Variants in CNTN4 observed in about 807,000 individuals in gnomAD.
CNTN4 encodes contactin 4.
Under a neutral mutation model 122.5 loss-of-function variants are expected in CNTN4, and 77 were observed. The observed-to-expected ratio is 0.63, with a 90% CI of 0.52 to 0.76. The LOEUF (loss-of-function observed/expected upper bound fraction) is 0.76, where lower values mean the gene tolerates loss of function less well. Ranked by LOEUF, CNTN4 falls within the 30% of genes least tolerant of loss-of-function variation. The pLI is 0.00. For synonymous variants in CNTN4, 512 were observed against 447.0 expected, an observed-to-expected ratio of 1.15 and a Z score of -1.83; for missense variants, 1,256 against 1,259.1, an observed-to-expected ratio of 1.00 and a Z score of 0.04.
At chr3:2,815,407 A>G (rs2092703616) in intron 6 of CNTN4, among the ~76,000 whole-genome samples, 1 of 152,202 alleles carries the variant, frequency 6.6e-6, no homozygotes, top group Admixed American at 6.5e-5. Context: ...AAAATCAAAC[A>G]GTCCCATCAA....
intron 4 of CNTN4, among the ~76,000 whole-genome samples, chr3:2,595,949 T>C (rs1040766669): frequency 2.6e-5 from 4 of 152,178 alleles, no homozygotes; most frequent in Non-Finnish European, 5.9e-5. Flanking sequence ...GTGGGTGGCA[T>C]TGCACTAGTA....
chr3:2,560,810 A>G (rs1343362244), intron 3 of CNTN4, among the ~76,000 whole-genome samples: 1 of 152,216 alleles, frequency 6.6e-6, no homozygotes, highest in Non-Finnish European at 1.5e-5. Context: ...TCATTGCTGT[A>G]TCGTACTGCA....
At chr3:2,928,525 A>G (rs2094493479) in intron 13 of CNTN4, among the ~76,000 whole-genome samples, 2 of 152,232 alleles carry the variant, frequency 1.3e-5, no homozygotes, top group African/African-American at 4.8e-5. Flanking sequence ...CTTTGACTAC[A>G]CAGCTTTGAG....
chr3:2,376,288 A>C (rs1020220805), intron 3 of CNTN4, among the ~76,000 whole-genome samples: 1 of 152,204 alleles, frequency 6.6e-6, no homozygotes, highest in South Asian at 2.1e-4. Flanking sequence ...AATAATTATT[A>C]TTCCCTGATC....
At chr3:2,266,204 C>G (rs1028791868) in intron 2 of CNTN4, among the ~76,000 whole-genome samples, 2 of 152,026 alleles carry the variant, frequency 1.3e-5, no homozygotes, top group African/African-American at 4.8e-5. Flanking sequence ...GTGAGTTTGT[C>G]ATATATGACC....
At chr3:2,914,310 G>C (rs1186120051) in intron 12 of CNTN4, among the ~76,000 whole-genome samples, 1 of 151,926 alleles carries the variant, frequency 6.6e-6, no homozygotes, top group Admixed American at 6.5e-5. Flanking sequence ...TATTAGAGCA[G>C]AGATAAAGGA....
At chr3:2,133,262 A>G (rs1172992482) in intron 2 of CNTN4, among the ~76,000 whole-genome samples, 3 of 152,136 alleles carry the variant, frequency 2.0e-5, no homozygotes, top group Admixed American at 6.6e-5. Flanking sequence ...TCTTTATGTT[A>G]TAGTTGTTTA....
intron 3 of CNTN4, among the ~76,000 whole-genome samples, chr3:2,477,412 C>T (rs571620952): frequency 8.5e-5 from 13 of 152,250 alleles, no homozygotes; most frequent in Non-Finnish European, 1.8e-4. Flanking sequence ...GACATAAGCT[C>T]TGTGGTAAAT....
intron 4 of CNTN4, among the ~76,000 whole-genome samples, chr3:2,694,471 G>A (rs750110920): frequency 7.9e-5 from 12 of 152,232 alleles, no homozygotes; most frequent in Admixed American, 3.3e-4. Context: ...GGCCAGGTGC[G>A]GTGGCTCGCA....
chr3:2,516,251 C>G (rs1056900818), intron 3 of CNTN4, among the ~76,000 whole-genome samples: 5 of 151,938 alleles, frequency 3.3e-5, no homozygotes, highest in Non-Finnish European at 7.4e-5. Context: ...GATATCCTGG[C>G]TTTTTAGGCA....
At chr3:2,870,888 G>A (rs1446297981) in intron 8 of CNTN4, among the ~76,000 whole-genome samples, 3 of 152,150 alleles carry the variant, frequency 2.0e-5, no homozygotes, top group Non-Finnish European at 4.4e-5. Flanking sequence ...AGTCATAAAA[G>A]TTGAACAGTG....
chr3:2,519,025 G>T (rs760503421), intron 3 of CNTN4, among the ~76,000 whole-genome samples: 1 of 152,098 alleles, frequency 6.6e-6, no homozygotes, highest in Non-Finnish European at 1.5e-5. Flanking sequence ...ATTTTAACAA[G>T]ATCTGTTTGT....
At chr3:2,299,645 T>TA in intron 2 of CNTN4, among the ~76,000 whole-genome samples, 1 of 152,254 alleles carries the variant, frequency 6.6e-6, no homozygotes, top group East Asian at 1.9e-4. Context: ...ATAATGATCA[T>TA]AAAAATCAGG....
intron 3 of CNTN4, among the ~76,000 whole-genome samples, chr3:2,551,461 C>T (rs890587219): frequency 3.3e-5 from 5 of 151,946 alleles, no homozygotes; most frequent in African/African-American, 1.2e-4. Context: ...GGATCAAGAC[C>T]GTTTGTGATG....
rs191343894 is a variant in CNTN4, at chr3:2,781,438, G to A, written c.358+35741G>A. Among the ~76,000 whole-genome samples the A allele has an allele frequency of 1.7e-3, 259 of 149,050 alleles. 2 individuals are homozygous for A. Among genetic ancestry groups the A allele is most frequent in the African/African-American group, 6.4e-3 (247 of 38,466 alleles). ...ATATGCGTGAGTGAGCAATGTCAAC[G>A]AAGAGTCAAACTCTTTGAAGAGATA... is the stretch of plus-strand genomic sequence containing the variant. On this transcript the variant is annotated intron_variant, in intron 6 of 24. Coordinates refer to ENST00000418658, the MANE Select transcript of CNTN4 (RefSeq NM_175607.3).
chr3:2,782,300 G>T (rs1257840702), intron 6 of CNTN4, among the ~76,000 whole-genome samples: 1 of 151,538 alleles, frequency 6.6e-6, no homozygotes, highest in Non-Finnish European at 1.5e-5. Context: ...GGTGGGGGGG[G>T]GCCTTAGAAT....
rs199797496 is a variant in CNTN4 at position 2,109,403 on chromosome 3, TTTG to T, written c.-145+8779_-145+8781del. Among the ~76,000 whole-genome samples the T allele has an allele frequency of 3.0e-3, 451 of 152,180 alleles. 7 individuals carry two copies. Among genetic ancestry groups the T allele is most frequent in the Admixed American group, 0.025 (380 of 15,276 alleles). On this transcript the variant is annotated intron_variant, in intron 2 of 24. Coordinates refer to ENST00000418658, the MANE Select transcript of CNTN4 (RefSeq NM_175607.3). Reference sequence around the variant, plus strand: ...ATCTTGAGTTAAAAAAATCATATGATTTGTTGTTGTTGTTGTTAACCACAGTGA... The same window carrying T: ...ATCTTGAGTTAAAAAAATCATATGATTTGTTGTTGTTGTTAACCACAGTGA...
chr3:2,115,815 C>T (rs147177589), intron 2 of CNTN4, among the ~76,000 whole-genome samples: 10 of 152,326 alleles, frequency 6.6e-5, no homozygotes, highest in African/African-American at 2.4e-4. Context: ...CAGATTGTTT[C>T]ATAAGATCAA....
chr3:2,300,751 C>A (rs1464956147), intron 2 of CNTN4, among the ~76,000 whole-genome samples: 6 of 151,288 alleles, frequency 4.0e-5, no homozygotes, highest in Admixed American at 1.3e-4. Flanking sequence ...TTTGTATTTT[C>A]GTAGAGATGG....
Sources: allele counts gnomAD v4.1 joint callset (sites outside exome capture counted in the v4.1 genomes callset), GRCh38; gene constraint gnomAD v4.1.1; transcripts MANE v1.5; gene names NCBI Gene and HGNC (gene_info 2026-07-23, HGNC 2026-07-21).